Variants in WWOX observed in about 807,000 individuals in gnomAD.
WWOX encodes WW domain containing oxidoreductase, also known as WW domain-containing oxidoreductase.
A neutral mutation model predicts 46.2 loss-of-function variants in WWOX; 69 were observed. That is an observed-to-expected ratio of 1.49 (90% confidence interval 1.23 to 1.82). WWOX has a LOEUF of 1.82. Ranked by LOEUF, WWOX falls within the 40% of genes most tolerant of loss-of-function variation. The pLI is 0.00. For missense variants in WWOX, 919 were observed against 542.6 expected (o/e 1.69, Z -6.89); for synonymous variants, 359 against 202.6 (o/e 1.77, Z -6.56).
chr16:79,052,826 G>A (rs770526870), intron 8 of WWOX, among the ~76,000 whole-genome samples: 5 of 152,176 alleles, frequency 3.3e-5, no homozygotes, highest in African/African-American at 9.7e-5. Context: ...ATGGCACTGA[G>A]GAGCAAGCAT....
intron 8 of WWOX, among the ~76,000 whole-genome samples, chr16:79,192,413 C>A (rs1330911686): frequency 6.6e-6 from 1 of 152,188 alleles, no homozygotes; most frequent in African/African-American, 2.4e-5. Flanking sequence ...GTGCCAAATA[C>A]TGGGGAGATG....
At position 78,449,309 on chromosome 16, in the gene WWOX, C is replaced by G. The variant is rs1002093194; in HGVS notation, c.1056+16557C>G. On this transcript the variant is annotated intron_variant, in intron 8 of 8. Transcript: ENST00000566780. Reference sequence around the variant, plus strand: ...CTTTGTAATGTAACCACGGAAGTGACGTCTTACTGCTTTTGCCATATTCTT... The same window carrying G: ...CTTTGTAATGTAACCACGGAAGTGAGGTCTTACTGCTTTTGCCATATTCTT... Among the ~76,000 whole-genome samples the G allele has an allele frequency of 2.0e-5, 3 of 152,124 alleles. No individual in the cohort carries two copies. The South Asian group carries it at 6.2e-4, about 32-fold the overall frequency.
chr16:78,755,250 AAAAG>A (rs2049613603), intron 8 of WWOX, among the ~76,000 whole-genome samples: 1 of 152,078 alleles, frequency 6.6e-6, no homozygotes. Flanking sequence ...AAAAAAAAGA[AAAAG>A]AAAACACCGG....
chr16:78,319,012 C>A (rs1348116967), intron 5 of WWOX, among the ~76,000 whole-genome samples: 2 of 152,128 alleles, frequency 1.3e-5, no homozygotes, highest in Non-Finnish European at 2.9e-5. Context: ...AGTTACTGAT[C>A]CTGCGAAGTT....
At chr16:78,400,455 C>A (rs550745084) in intron 6 of WWOX, among the ~76,000 whole-genome samples, 30 of 152,238 alleles carry the variant, frequency 2.0e-4, no homozygotes, top group Admixed American at 1.8e-3. Context: ...GCTGTCACCC[C>A]CAGGATTCTA....
chr16:79,044,061 G>C (rs1334834397), intron 8 of WWOX, among the ~76,000 whole-genome samples: 2 of 152,180 alleles, frequency 1.3e-5, no homozygotes, highest in Admixed American at 6.5e-5. Flanking sequence ...GCCCAGACCC[G>C]GTGGCCTGAG....
In WWOX at chr16:78,714,142, G is replaced by C. The variant is rs142922230; in HGVS notation, c.1056+281390G>C. On this transcript the variant is annotated intron_variant, in intron 8 of 8. Transcript: ENST00000566780. ...CGTCTCACGTTACAGTGCTTAGGAA[G>C]TGTTAGATGTACTGTCATTTCTTCA... Among the ~76,000 whole-genome samples the C allele has an allele frequency of 3.0e-4, 45 of 152,324 alleles. 1 individual carries two copies. In the East Asian group the frequency reaches 8.3e-3, roughly 28 times the overall value.
rs749607910 is a variant in WWOX at position 79,193,231 on chromosome 16, C to A, written c.1057-18377C>A. On this transcript the variant is annotated intron_variant, in intron 8 of 8. Transcript: ENST00000566780. ...TCATCTCCAAATTTGATTCCCTCTG[C>A]ATACAAGTTGCTTACCCTTGGGGGC... Among the ~76,000 whole-genome samples the A allele has an allele frequency of 9.8e-5, 15 of 152,332 alleles. No individual in the cohort carries two copies. In the Middle Eastern group the frequency reaches 0.014, roughly 138 times the overall value.
chr16:78,129,990 A>G (rs1322858435), intron 4 of WWOX: 1 of 152,066 alleles, frequency 6.6e-6, no homozygotes, highest in Non-Finnish European at 1.5e-5. Context: ...TCTCACGATA[A>G]TGAGTGAGTT....
intron 8 of WWOX, among the ~76,000 whole-genome samples, chr16:78,781,361 C>T (rs769658092): frequency 2.6e-5 from 4 of 152,168 alleles, no homozygotes; most frequent in Non-Finnish European, 5.9e-5. Context: ...ATCTGCACCC[C>T]ACCTTGCTAT....
In WWOX at chr16:78,869,950, A is replaced by T. The variant is rs78594904; in HGVS notation, c.1057-341658A>T. Among the ~76,000 whole-genome samples, 3 of 152,252 alleles carry T rather than the reference A, an allele frequency of 2.0e-5. No homozygotes were observed. In the South Asian group the frequency reaches 6.2e-4, roughly 32 times the overall value. On this transcript the variant is annotated intron_variant, in intron 8 of 8. Transcript: ENST00000566780. ...ATTGACGTCAGTGCCTTGGGAGTCT[A>T]TGTTTATGTGAGCTTAAAGGTTTTG... is the stretch of plus-strand genomic sequence containing the variant.
intron 5 of WWOX, among the ~76,000 whole-genome samples, chr16:78,314,706 T>TTTG (rs367811921): frequency 0.11 from 8,530 of 77,046 alleles, 382 homozygotes; most frequent in East Asian, 0.46. Flanking sequence ...TTTTTGTTTT[T>TTTG]TTTTTTTTTT....
chr16:78,155,903 A>T (rs573316749), intron 4 of WWOX, among the ~76,000 whole-genome samples: 7 of 152,310 alleles, frequency 4.6e-5, no homozygotes, highest in African/African-American at 1.4e-4. Context: ...CTTTTTTTAT[A>T]TAAAACTCCA....
chr16:78,490,741 T>C (rs1331096829), intron 8 of WWOX, among the ~76,000 whole-genome samples: 1 of 152,172 alleles, frequency 6.6e-6, no homozygotes, highest in Non-Finnish European at 1.5e-5. Flanking sequence ...TTCTACACAG[T>C]GGTCTTCAGC....
intron 8 of WWOX, among the ~76,000 whole-genome samples, chr16:78,540,031 C>CACAA (rs1555558666): frequency 1.3e-5 from 2 of 151,328 alleles, no homozygotes; most frequent in East Asian, 3.9e-4. Flanking sequence ...CACACACACA[C>CACAA]ACACACACAC....
intron 8 of WWOX, among the ~76,000 whole-genome samples, chr16:78,638,627 C>T (rs2046632433): frequency 6.6e-6 from 1 of 152,174 alleles, no homozygotes; most frequent in Non-Finnish European, 1.5e-5. Flanking sequence ...TCTGACTTTT[C>T]CATGGTGCCC....
chr16:78,967,890 C>A lies in WWOX; in HGVS notation c.1057-243718C>A, dbSNP rs142763457. Among the ~76,000 whole-genome samples the A allele has an allele frequency of 4.9e-4, 74 of 152,280 alleles. No individual in the cohort carries two copies. The South Asian group carries it at 8.5e-3, about 18-fold the overall frequency. On this transcript the variant is annotated intron_variant, in intron 8 of 8. Transcript: ENST00000566780. ...GCCTCCGGGGCCACATCAGTAGCTGCAGGAGGAGGAGGGAACAGGGAGACA... is the reference window on the plus strand; with the variant it reads ...GCCTCCGGGGCCACATCAGTAGCTGAAGGAGGAGGAGGGAACAGGGAGACA...
intron 8 of WWOX, among the ~76,000 whole-genome samples, chr16:78,957,362 G>C (rs1249376781): frequency 3.3e-5 from 5 of 152,206 alleles, no homozygotes; most frequent in African/African-American, 9.6e-5. Context: ...AGCTTGAGCT[G>C]AATTGTTCTT....
intron 8 of WWOX, among the ~76,000 whole-genome samples, chr16:79,127,025 A>T (rs1395478031): frequency 3.3e-5 from 5 of 151,452 alleles, no homozygotes; most frequent in Non-Finnish European, 5.9e-5. Context: ...CTTTAATTTT[A>T]TTTTTTTTTA....
Sources: allele counts gnomAD v4.1 joint callset (sites outside exome capture counted in the v4.1 genomes callset), GRCh38; gene constraint gnomAD v4.1.1; transcripts MANE v1.5; gene names NCBI Gene and HGNC (gene_info 2026-07-23, HGNC 2026-07-21).